TACC1: variants seen among roughly 807,000 people sequenced by gnomAD.
TACC1 encodes transforming acidic coiled-coil containing protein 1.
A neutral mutation model predicts 84.4 loss-of-function variants in TACC1; 48 were observed. The observed-to-expected ratio is 0.57, with a 90% CI of 0.45 to 0.72. The LOEUF is 0.72. TACC1 is among the 30% of genes least tolerant of loss of function. The pLI is 0.00. For synonymous variants in TACC1, 372 were observed against 376.3 expected, an observed-to-expected ratio of 0.99 and a Z score of 0.13; for missense variants, 920 against 973.0, an observed-to-expected ratio of 0.95 and a Z score of 0.72.
chr8:38,796,750 G>A (rs1329733747), intron 2 of TACC1, among the ~76,000 whole-genome samples: 2 of 152,234 alleles, frequency 1.3e-5, no homozygotes, highest in African/African-American at 4.8e-5. Context: ...AGTCATGCAT[G>A]GTTGAGAAGA....
chr8:38,807,632 A>G (rs563312048), intron 2 of TACC1, among the ~76,000 whole-genome samples: 1 of 152,374 alleles, frequency 6.6e-6, no homozygotes, highest in Non-Finnish European at 1.5e-5. Flanking sequence ...GAGATTCTAC[A>G]TGTAAAAGCA....
Position 38,838,463 on chromosome 8 carries a change from A to G in TACC1, c.1840-7A>G. On this transcript the variant is annotated splice_polypyrimidine_tract_variant and splice_region_variant and intron_variant, in intron 7 of 12. Transcript: ENST00000317827. Reference sequence around the variant, plus strand: ...ATTGGGTAAAACTAAGCTTTATTGTACTCTAGATAATTACTAAAGAGATTG... The same window carrying G: ...ATTGGGTAAAACTAAGCTTTATTGTGCTCTAGATAATTACTAAAGAGATTG... The G allele has an allele frequency of 1.9e-6, 3 of 1,605,066 alleles. No homozygotes were observed. In the East Asian group the frequency reaches 6.7e-5, roughly 36 times the overall value.
intron 2 of TACC1, among the ~76,000 whole-genome samples, chr8:38,803,732 C>G (rs1425907051): frequency 1.3e-5 from 2 of 151,740 alleles, no homozygotes; most frequent in Non-Finnish European, 2.9e-5. Context: ...TTTTTTTCCC[C>G]CTTGTGATTC....
chr8:38,794,393 TC>T (rs1327013636), intron 2 of TACC1, among the ~76,000 whole-genome samples: 1 of 152,204 alleles, frequency 6.6e-6, no homozygotes, highest in African/African-American at 2.4e-5. Context: ...CACCTTGGCC[TC>T]CCAAAGTGTT....
At chr8:38,828,502 A>G (rs1828592095) in intron 5 of TACC1, among the ~76,000 whole-genome samples, 1 of 152,224 alleles carries the variant, frequency 6.6e-6, no homozygotes, top group Admixed American at 6.5e-5. Flanking sequence ...CAGAAGTATA[A>G]TTGGAGGACA....
Position 38,819,811 on chromosome 8 carries a change from C to T in TACC1, c.567C>T (p.Asp189=), listed in dbSNP as rs1587971979. 6 of 1,613,986 alleles carry T rather than the reference C, an allele frequency of 3.7e-6. No individual in the cohort carries two copies. The South Asian group carries it at 4.4e-5, about 12-fold the overall frequency. Residue 189 remains aspartate, a synonymous_variant, in exon 3 of 13, where the codon GAC becomes GAT. Coordinates refer to ENST00000317827, the MANE Select transcript of TACC1 (RefSeq NM_006283.3). ...SGKALPSSPP[D]ALQDEAMTEG... ...AGGCTCTGCCTTCCAGCCCGCCAGA[C>T]GCCCTCCAGGACGAGGCGATGACAG...
At chr8:38,803,708 GC>G (rs1347523225) in intron 2 of TACC1, among the ~76,000 whole-genome samples, 3 of 152,146 alleles carry the variant, frequency 2.0e-5, no homozygotes, top group Non-Finnish European at 4.4e-5. Context: ...AATAAAAGAT[GC>G]TGGTCTGTAG....
chr8:38,837,460 T>C (rs1413103928), intron 7 of TACC1, among the ~76,000 whole-genome samples: 2 of 152,020 alleles, frequency 1.3e-5, no homozygotes, highest in African/African-American at 4.8e-5. Flanking sequence ...AAGATCTCAC[T>C]CTGTCACCCA....
intron 2 of TACC1, among the ~76,000 whole-genome samples, chr8:38,810,596 CCT>C (rs1402983219): frequency 7.3e-5 from 11 of 151,720 alleles, no homozygotes; most frequent in Admixed American, 3.9e-4. Context: ...AGAGCAAGAC[CCT>C]GTCTCCAAAA....
chr8:38,840,300 A>G, intron 9 of TACC1, 33 bp downstream of exon 9: 1 of 1,591,004 alleles, frequency 6.3e-7, no homozygotes, highest in Non-Finnish European at 8.6e-7. Context: ...TGAGGGTATG[A>G]GCCATAGGAT....
At position 38,795,351 on chromosome 8, in the gene TACC1, A is replaced by G. The variant is rs558108535; in HGVS notation, c.277+6532A>G. 2.0e-5 allele frequency among the ~76,000 whole-genome samples: 3 copies of G among 152,360 alleles called. No homozygotes were observed. The South Asian group carries it at 6.2e-4, about 32-fold the overall frequency. ...AATTTTTCTTTTAAGATGAGTGACA[A>G]AATCAAGACCTTGCACTCCCCCATT... On this transcript the variant is annotated intron_variant, in intron 2 of 12. Coordinates refer to ENST00000317827, the MANE Select transcript of TACC1 (RefSeq NM_006283.3).
rs544319784 is a variant in TACC1 at position 38,797,607 on chromosome 8, A to G, written c.277+8788A>G. 2.3e-4 allele frequency among the ~76,000 whole-genome samples: 35 copies of G among 152,302 alleles called. 1 individual carries two copies. The South Asian group carries it at 6.8e-3, about 30-fold the overall frequency. Reference sequence around the variant, plus strand: ...TCTGGAGGCCCCTCTCTTGCTGAACATTCCTCCCTCTTCTTCTTTATCCAG... The same window carrying G: ...TCTGGAGGCCCCTCTCTTGCTGAACGTTCCTCCCTCTTCTTCTTTATCCAG... On this transcript the variant is annotated intron_variant, in intron 2 of 12. Transcript: ENST00000317827.
chr8:38,774,125 G>A (rs773276105), intron 3 of TACC1, among the ~76,000 whole-genome samples: 7 of 152,056 alleles, frequency 4.6e-5, no homozygotes, highest in Admixed American at 1.3e-4. Flanking sequence ...ATGAAGGAAC[G>A]CTGTTACCCT....
At chr8:38,839,276 C>T in intron 8 of TACC1, 2 of 393,206 alleles carry the variant, frequency 5.1e-6, no homozygotes, top group Non-Finnish European at 9.0e-6. Flanking sequence ...TAACAAGAAA[C>T]AAAATTGATT....
chr8:38,819,571 T>C lies in TACC1; in HGVS notation c.327T>C (p.Cys109=). ...EQLVAEVVEK[C]SSKTCSKPSE... ...TTGTAGCAGAAGTGGTTGAAAAATG[T>C]TCATCTAAGACTTGTTCTAAACCTT... The change falls in exon 3 of 13, where the codon TGT becomes TGC. Residue 109 remains cysteine (C), a synonymous_variant. Transcript: ENST00000317827. 1 of 1,613,524 alleles carries C rather than the reference T, an allele frequency of 6.2e-7. No individual in the cohort carries two copies. Among genetic ancestry groups the C allele is most frequent in the South Asian group, 1.1e-5 (1 of 91,054 alleles).
At chr8:38,769,652 TGTGTGAGAGA>T (rs1212407164) in intron 3 of TACC1, among the ~76,000 whole-genome samples, 4 of 142,972 alleles carry the variant, frequency 2.8e-5, no homozygotes, top group East Asian at 2.1e-4. Context: ...GGGGTGTGTG[TGTGTGAGAGA>T]GAGACTGGGT....
At chr8:38,739,098 C>T (rs1454123480) in intron 1 of TACC1, among the ~76,000 whole-genome samples, 1 of 152,190 alleles carries the variant, frequency 6.6e-6, no homozygotes, top group East Asian at 1.9e-4. Context: ...CCCATGTTGA[C>T]CAGGCTGGTC....
chr8:38,779,540 G>A (rs910349499), intron 3 of TACC1, among the ~76,000 whole-genome samples: 2 of 152,218 alleles, frequency 1.3e-5, no homozygotes, highest in Admixed American at 6.5e-5. Flanking sequence ...TGGATTTTCC[G>A]TATAAGGGCT....
In TACC1 at chr8:38,840,937, T is replaced by C. The variant is rs193191521; in HGVS notation, c.1960+670T>C. On this transcript the variant is annotated intron_variant, in intron 9 of 12. Coordinates refer to ENST00000317827, the MANE Select transcript of TACC1 (RefSeq NM_006283.3). ...GGTGGTGCATGCCTGTAATCCCAGC[T>C]ACTCGGGAGGCTGAGGCAGGAGAAT... 6.2e-3 allele frequency among the ~76,000 whole-genome samples: 941 copies of C among 152,262 alleles called. 9 individuals carry two copies. Among genetic ancestry groups the C allele is most frequent in the African/African-American group, 0.021 (880 of 41,540 alleles).
Sources: allele counts gnomAD v4.1 joint callset (sites outside exome capture counted in the v4.1 genomes callset), GRCh38; gene constraint gnomAD v4.1.1; transcripts MANE v1.5; gene names NCBI Gene and HGNC (gene_info 2026-07-23, HGNC 2026-07-21).